SPATS2: variants seen among roughly 807,000 people sequenced by gnomAD.
SPATS2 encodes the protein spermatogenesis associated serine rich 2.
In SPATS2, 38 loss-of-function variants were observed where a neutral mutation model predicts 63.7. The ratio of observed to expected loss-of-function variants is 0.60; its 90% confidence interval spans 0.46 to 0.78. The LOEUF (loss-of-function observed/expected upper bound fraction) is 0.78, where lower values mean the gene tolerates loss of function less well. Among genes scored for constraint, SPATS2 ranks in the 30% least tolerant of loss-of-function variants. SPATS2 has a pLI of 0.00. For synonymous variants in SPATS2, 207 were observed against 232.9 expected (o/e 0.89, Z 1.01); for missense variants, 588 against 666.2 (o/e 0.88, Z 1.29).
intron 12 of SPATS2, among the ~76,000 whole-genome samples, chr12:49,523,587 G>A (rs962288127): frequency 2.0e-5 from 3 of 152,184 alleles, no homozygotes; most frequent in Admixed American, 2.0e-4. Context: ...GAGTGCCTGT[G>A]AGATGAGAGT....
chr12:49,477,556 G>A (rs774843574), intron 3 of SPATS2, among the ~76,000 whole-genome samples: 2 of 152,148 alleles, frequency 1.3e-5, no homozygotes, highest in African/African-American at 2.4e-5. Flanking sequence ...TTGATGAACC[G>A]TCAGTCGGTA....
chr12:49,451,767 G>A (rs752604149), intron 2 of SPATS2, among the ~76,000 whole-genome samples: 12 of 152,208 alleles, frequency 7.9e-5, no homozygotes, highest in Non-Finnish European at 1.6e-4. Context: ...CTTTCAACTT[G>A]AGAGACTTCC....
chr12:49,448,094 T>C (rs1438718522), intron 2 of SPATS2, among the ~76,000 whole-genome samples: 3 of 151,720 alleles, frequency 2.0e-5, no homozygotes, highest in African/African-American at 7.3e-5. Context: ...AGTACCAATT[T>C]AGCTATACCC....
chr12:49,488,031 A>G (rs1946323356), intron 4 of SPATS2, among the ~76,000 whole-genome samples: 1 of 151,482 alleles, frequency 6.6e-6, no homozygotes, highest in Non-Finnish European at 1.5e-5. Flanking sequence ...AAAATGATGT[A>G]TATTATTTTT....
intron 12 of SPATS2, 33 bp from the exon 13 acceptor site, chr12:49,524,647 CAT>C (rs1351402771): frequency 6.3e-7 from 1 of 1,591,962 alleles, no homozygotes; most frequent in Non-Finnish European, 8.6e-7. Context: ...GCTGTTCTAT[CAT>C]ATGATCATAT....
chr12:49,424,227 A>C (rs1042071680), intron 2 of SPATS2, among the ~76,000 whole-genome samples: 5 of 151,982 alleles, frequency 3.3e-5, no homozygotes, highest in South Asian at 2.1e-4. Context: ...AACAAACAAA[A>C]AAAACAAACT....
intron 2 of SPATS2, among the ~76,000 whole-genome samples, chr12:49,409,834 A>G (rs911621953): frequency 2.6e-5 from 4 of 151,240 alleles, no homozygotes; most frequent in African/African-American, 9.7e-5. Context: ...AACTCCTGAC[A>G]TCTAGTGATC....
At chr12:49,387,839 A>C (rs879295315) in intron 2 of SPATS2, among the ~76,000 whole-genome samples, 7 of 152,146 alleles carry the variant, frequency 4.6e-5, no homozygotes, top group Non-Finnish European at 1.0e-4. Context: ...CTGCTGACAC[A>C]TCTGTTCATA....
intron 3 of SPATS2, among the ~76,000 whole-genome samples, chr12:49,473,925 TAAAG>T (rs777653549): frequency 4.6e-5 from 7 of 152,190 alleles, no homozygotes; most frequent in Admixed American, 2.0e-4. Flanking sequence ...CTGCTGCTGA[TAAAG>T]AAAGGAAGTG....
chr12:49,422,787 T>C (rs754485389), intron 2 of SPATS2, among the ~76,000 whole-genome samples: 30 of 151,944 alleles, frequency 2.0e-4, no homozygotes, highest in Non-Finnish European at 2.8e-4. Context: ...TGGCGTGTGC[T>C]TGTATTCCCA....
chr12:49,526,149 A>G lies in SPATS2; in HGVS notation c.1532A>G (p.Asn511Ser), dbSNP rs375443813. Reference sequence around the variant, plus strand: ...GGCCAGACTCACTCTGCAGGGACCAATGGAACTGGAGTCAGCATGGAGCCC... The same window carrying G: ...GGCCAGACTCACTCTGCAGGGACCAGTGGAACTGGAGTCAGCATGGAGCCC... Reference protein sequence around the residue: ...ERGQTHSAGTNGTGVSMEPSP... With the variant: ...ERGQTHSAGTSGTGVSMEPSP... Residue 511 changes from asparagine (N) to serine (S), a missense_variant, in exon 14 of 14, where the codon AAT (asparagine) becomes AGT (serine). Coordinates refer to ENST00000552918, the MANE Select transcript of SPATS2 (RefSeq NM_023071.4). The G allele has an allele frequency of 2.0e-5, 33 of 1,614,080 alleles. No homozygotes were observed. Among genetic ancestry groups the G allele is most frequent in the Middle Eastern group, 1.6e-4 (1 of 6,084 alleles).
intron 3 of SPATS2, among the ~76,000 whole-genome samples, chr12:49,464,148 G>A (rs1011648811): frequency 6.6e-6 from 1 of 152,172 alleles, no homozygotes; most frequent in Non-Finnish European, 1.5e-5. Flanking sequence ...TTGCCCAAGT[G>A]TATAATTTGA....
chr12:49,455,477 G>A (rs779375544), intron 2 of SPATS2, among the ~76,000 whole-genome samples: 1 of 152,194 alleles, frequency 6.6e-6, no homozygotes, highest in Non-Finnish European at 1.5e-5. Context: ...GCACAGTCAT[G>A]GCCCTCTGCA....
chr12:49,480,026 C>A (rs763001548), intron 3 of SPATS2, among the ~76,000 whole-genome samples: 30 of 152,286 alleles, frequency 2.0e-4, no homozygotes, highest in African/African-American at 7.2e-4. Flanking sequence ...ATTATAATTC[C>A]ATTTTTCTCC....
chr12:49,397,443 G>A (rs536657623), intron 2 of SPATS2, among the ~76,000 whole-genome samples: 37 of 152,294 alleles, frequency 2.4e-4, no homozygotes, highest in Middle Eastern at 3.4e-3. Flanking sequence ...TAGACTGTAA[G>A]CTAGGAAAGT....
rs768516162 is a variant in SPATS2 at position 49,519,085 on chromosome 12, T to G, written c.911T>G (p.Leu304Arg). The G allele has an allele frequency of 1.2e-6, 2 of 1,613,732 alleles. No homozygotes were observed. Among genetic ancestry groups the G allele is most frequent in the Non-Finnish European group, 1.7e-6 (2 of 1,179,870 alleles). The change falls in exon 11 of 14, where the codon CTC becomes CGC. Residue 304 changes from leucine to arginine, a missense_variant. By Grantham distance (102) the Leu-to-Arg change is moderately radical. Transcript: ENST00000552918. ...KVKAEAMEILLSRQKKAELLK... is the reference protein window; with the variant it reads ...KVKAEAMEILRSRQKKAELLK... The stretch of plus-strand genomic sequence containing the variant: ...TTTTCCTCTACAGTGGAAATTTTGC[T>G]CAGCCGACAAAAGAAGGCTGAACTT...
At chr12:49,401,493 G>A (rs56746050) in intron 2 of SPATS2, among the ~76,000 whole-genome samples, 13,945 of 152,000 alleles carry the variant, frequency 0.092, 752 homozygotes, top group African/African-American at 0.14. Context: ...TGTTTTATTT[G>A]TACCCTCAAC....
At chr12:49,489,609 T>G (rs771184115) in intron 5 of SPATS2, 36 bp downstream of exon 5, 1 of 1,559,216 alleles carries the variant, frequency 6.4e-7, no homozygotes, top group Non-Finnish European at 8.8e-7. Context: ...AAATTTATAT[T>G]TGCTCAAATA....
chr12:49,526,714 T>C lies in SPATS2; in HGVS notation c.*459T>C, dbSNP rs1180048788. On this transcript the variant is annotated 3_prime_UTR_variant, in exon 14 of 14. Transcript: ENST00000552918. ...ACTGGATTCGCCAGAGAAGGGAAAA[T>C]TTAATTAGTGAAAAGGAAAGAACAC... 6.4e-6 allele frequency: 1 copy of C among 156,226 alleles called. No homozygotes were observed. Among genetic ancestry groups the C allele is most frequent in the African/African-American group, 2.4e-5 (1 of 41,354 alleles). 9.7% of individuals were successfully genotyped at this position (156,226 alleles called of 1,614,324 possible).
Sources: gnomAD v4.1 joint callset for allele counts (sites outside exome capture counted in the v4.1 genomes callset) on GRCh38, gnomAD v4.1.1 for gene constraint, MANE v1.5 for transcripts, NCBI Gene and HGNC (gene_info 2026-07-23, HGNC 2026-07-21) for gene names.